DLG1: variants seen among roughly 807,000 people sequenced by gnomAD.
DLG1 encodes disks large homolog 1.
A neutral mutation model predicts 123.4 loss-of-function variants in DLG1; 42 were observed. That is an observed-to-expected ratio of 0.34 (90% confidence interval 0.27 to 0.44). The LOEUF is 0.44. Ranked by LOEUF, DLG1 falls within the 20% of genes least tolerant of loss-of-function variation. The pLI is 1.00. For synonymous variants in DLG1, 317 were observed against 356.2 expected (o/e 0.89, Z 1.24); for missense variants, 942 against 1,082.6 (o/e 0.87, Z 1.82).
Position 197,137,887 on chromosome 3 carries a change from G to A in DLG1, c.883+335C>T, listed in dbSNP as rs546301223. On this transcript the variant is annotated intron_variant, in intron 9 of 24. Transcript: ENST00000667157. The stretch of plus-strand genomic sequence containing the variant: ...CTTGGGAGGGTGAGGTGGGAGGATC[G>A]CTTGAGCTCAGGAGGCTGAGGCTGC... Among the ~76,000 whole-genome samples, 137 of 151,714 alleles carry A rather than the reference G, an allele frequency of 9.0e-4. 1 individual carries two copies. Among genetic ancestry groups the A allele is most frequent in the African/African-American group, 2.9e-3 (121 of 41,378 alleles).
At chr3:197,056,863 C>CA (rs1732050576) in intron 23 of DLG1, among the ~76,000 whole-genome samples, 1 of 152,138 alleles carries the variant, frequency 6.6e-6, no homozygotes, top group Non-Finnish European at 1.5e-5. Flanking sequence ...CTTCTATGAG[C>CA]AATTATTAAA....
chr3:197,086,678 TTCAAG>T (rs1300807011), intron 15 of DLG1, among the ~76,000 whole-genome samples: 1 of 152,150 alleles, frequency 6.6e-6, no homozygotes, highest in Non-Finnish European at 1.5e-5. Flanking sequence ...AATGAGTTCT[TTCAAG>T]TCTTTTCGTG....
chr3:197,110,107 A>G (rs978206157), intron 13 of DLG1, among the ~76,000 whole-genome samples: 3 of 152,124 alleles, frequency 2.0e-5, no homozygotes, highest in African/African-American at 7.2e-5. Context: ...CATCTTTCAC[A>G]TACTCCCATT....
At chr3:197,287,951 G>A (rs1772632747) in intron 3 of DLG1, among the ~76,000 whole-genome samples, 1 of 152,042 alleles carries the variant, frequency 6.6e-6, no homozygotes, top group African/African-American at 2.4e-5. Flanking sequence ...TTCATTTCTA[G>A]GAGTTTGTCC....
At chr3:197,181,766 G>A (rs1309623328) in intron 5 of DLG1, among the ~76,000 whole-genome samples, 1 of 147,240 alleles carries the variant, frequency 6.8e-6, no homozygotes, top group African/African-American at 2.6e-5. Flanking sequence ...AAATAAAATA[G>A]AAAGGTAATG....
At chr3:197,094,818 TTGAG>T (rs1285110996) in intron 14 of DLG1, among the ~76,000 whole-genome samples, 1 of 152,204 alleles carries the variant, frequency 6.6e-6, no homozygotes, top group Non-Finnish European at 1.5e-5. Flanking sequence ...TCTTCCTTTA[TTGAG>T]TATGTTCACT....
At chr3:197,259,225 C>G (rs955853015) in intron 4 of DLG1, among the ~76,000 whole-genome samples, 3 of 152,074 alleles carry the variant, frequency 2.0e-5, no homozygotes, top group African/African-American at 7.2e-5. Context: ...TTTAAACATT[C>G]AGTAAGAATA....
chr3:197,286,195 G>A (rs1405522396), intron 3 of DLG1, among the ~76,000 whole-genome samples: 1 of 152,182 alleles, frequency 6.6e-6, no homozygotes, highest in African/African-American at 2.4e-5. Flanking sequence ...AAGATCAGTG[G>A]TTTTCAGGAG....
intron 4 of DLG1, among the ~76,000 whole-genome samples, chr3:197,265,626 G>GA (rs1244240481): frequency 4.6e-5 from 7 of 152,194 alleles, no homozygotes; most frequent in East Asian, 1.9e-4. Context: ...TCAAGGTGAG[G>GA]AAAAAATCTT....
chr3:197,167,088 C>G (rs953583110), intron 5 of DLG1, among the ~76,000 whole-genome samples: 3 of 152,050 alleles, frequency 2.0e-5, no homozygotes, highest in African/African-American at 7.2e-5. Flanking sequence ...ACTGGCCAGA[C>G]TGGGAACAAT....
At chr3:197,134,165 G>C (rs889381379) in intron 10 of DLG1, among the ~76,000 whole-genome samples, 2 of 152,056 alleles carry the variant, frequency 1.3e-5, no homozygotes, top group African/African-American at 4.8e-5. Flanking sequence ...GGAAAGAGTG[G>C]TGATCTTAGC....
At chr3:197,145,711 T>G (rs1235789691) in intron 6 of DLG1, among the ~76,000 whole-genome samples, 1 of 152,174 alleles carries the variant, frequency 6.6e-6, no homozygotes, top group Non-Finnish European at 1.5e-5. Flanking sequence ...CAGTAAATAT[T>G]CCTGGTGCTT....
intron 4 of DLG1, among the ~76,000 whole-genome samples, chr3:197,249,929 A>G (rs1753550935): frequency 6.6e-6 from 1 of 152,240 alleles, no homozygotes; most frequent in Admixed American, 6.5e-5. Flanking sequence ...TAAAAGGGCC[A>G]TATATAATAA....
chr3:197,053,381 G>C (rs902466758), intron 23 of DLG1, among the ~76,000 whole-genome samples: 1 of 152,186 alleles, frequency 6.6e-6, no homozygotes, highest in Middle Eastern at 3.4e-3. Flanking sequence ...TTGAAGAATA[G>C]ATTTGCCAGA....
At chr3:197,232,802 C>G (rs1418505932) in intron 4 of DLG1, among the ~76,000 whole-genome samples, 6 of 150,110 alleles carry the variant, frequency 4.0e-5, no homozygotes, top group Non-Finnish European at 5.9e-5. Flanking sequence ...TTGAGAACTA[C>G]TAAGTATCTC....
In DLG1 at chr3:197,144,878, A is replaced by G. The variant is rs1468572664; in HGVS notation, c.538-2110T>C. On this transcript the variant is annotated intron_variant, in intron 6 of 24. Transcript: ENST00000667157. Reference sequence around the variant, plus strand: ...GTTACCCAGGCTGGAATGCAGTGGCATAATCATAGCTCGTTGCAGCCTCAA... The same window carrying G: ...GTTACCCAGGCTGGAATGCAGTGGCGTAATCATAGCTCGTTGCAGCCTCAA... Among the ~76,000 whole-genome samples, 4 of 152,314 alleles carry G rather than the reference A, an allele frequency of 2.6e-5. No individual in the cohort carries two copies. The East Asian group carries it at 7.7e-4, about 29-fold the overall frequency.
intron 13 of DLG1, among the ~76,000 whole-genome samples, chr3:197,107,444 C>T (rs903820833): frequency 2.1e-4 from 32 of 152,100 alleles, no homozygotes; most frequent in African/African-American, 6.7e-4. Context: ...ACTTGGGAGG[C>T]TGAGGCAGGA....
chr3:197,089,636 T>C (rs1295016456), intron 15 of DLG1, among the ~76,000 whole-genome samples: 1 of 152,018 alleles, frequency 6.6e-6, no homozygotes, highest in Non-Finnish European at 1.5e-5. Context: ...TGTTCTGATT[T>C]TTATGCCTTT....
At chr3:197,096,389 T>C (rs1760661166) in intron 14 of DLG1, among the ~76,000 whole-genome samples, 1 of 152,318 alleles carries the variant, frequency 6.6e-6, no homozygotes, top group Middle Eastern at 3.4e-3. Flanking sequence ...AGCATTCCCA[T>C]ATGTGCTTTC....
Sources: allele counts gnomAD v4.1 joint callset (sites outside exome capture counted in the v4.1 genomes callset), GRCh38; gene constraint gnomAD v4.1.1; transcripts MANE v1.5; gene names NCBI Gene and HGNC (gene_info 2026-07-23, HGNC 2026-07-21).